PRDM15: variants seen among roughly 807,000 people sequenced by gnomAD.
PRDM15 encodes PR/SET domain 15.
A neutral mutation model predicts 128.6 loss-of-function variants in PRDM15; 64 were observed. The ratio of observed to expected loss-of-function variants is 0.50; its 90% CI spans 0.41 to 0.61. The LOEUF (loss-of-function observed/expected upper bound fraction) is 0.61. PRDM15 is among the 20% of genes least tolerant of loss of function. The probability of loss-of-function intolerance (pLI) is 0.00; values close to 1 mark genes in which losing one functional copy is unlikely to be tolerated. For synonymous variants in PRDM15, 615 were observed against 621.8 expected (o/e 0.99, Z 0.16); for missense variants, 1,242 against 1,569.1 (o/e 0.79, Z 3.52).
chr21:41,824,346 C>T (rs547002283), intron 13 of PRDM15, among the ~76,000 whole-genome samples: 26 of 152,154 alleles, frequency 1.7e-4, no homozygotes, highest in Non-Finnish European at 3.1e-4. Flanking sequence ...GAAAGGTGAG[C>T]AGGAGAGGAC....
At chr21:41,877,855 T>C (rs1327513666) in intron 1 of PRDM15, among the ~76,000 whole-genome samples, 4 of 150,354 alleles carry the variant, frequency 2.7e-5, no homozygotes, top group Non-Finnish European at 5.9e-5. Context: ...GAATCACAGA[T>C]AGAAGAAAAA....
At position 41,804,625 on chromosome 21, in the gene PRDM15, C is replaced by A; in HGVS notation, c.2653-11G>T. 2 of 1,547,324 alleles carry A rather than the reference C, an allele frequency of 1.3e-6. No individual in the cohort carries two copies. The highest frequency in any genetic ancestry group is 1.9e-4 in the Middle Eastern group (1 of 5,204). On this transcript the variant is annotated splice_polypyrimidine_tract_variant and intron_variant, in intron 21 of 23. Coordinates refer to ENST00000398548, the MANE Select transcript of PRDM15 (RefSeq NM_001040424.3). ...CCTCACCGCGAGCACCTATGAGGAG[C>A]ACAGGGCATGAGCTGGGGGTCAGGG...
intron 6 of PRDM15, among the ~76,000 whole-genome samples, chr21:41,843,111 T>TTTG (rs2063125025): frequency 2.0e-5 from 3 of 151,856 alleles, no homozygotes; most frequent in South Asian, 2.1e-4. Flanking sequence ...TTGTTTGTTT[T>TTTG]TTTGTTTGTT....
At position 41,821,880 on chromosome 21, in the gene PRDM15, ACCGCGG is replaced by A; in HGVS notation, c.1896+17_1896+22del. 6.2e-7 allele frequency: 1 copy of A among 1,612,282 alleles called. No individual in the cohort carries two copies. The highest frequency in any genetic ancestry group is 1.1e-5 in the South Asian group (1 of 91,054). On this transcript the variant is annotated intron_variant, in intron 15 of 23. Transcript: ENST00000398548. This position sits in a 1 kb window ranked among gnomAD's most constrained non-coding sequence, Gnocchi z 5.4. Reference sequence around the variant, plus strand: ...ACCTTCCTCTCCAGACCACCCAGGCACCGCGGGGCAAACCCGCCATACCTGGCACCG... The same window carrying A: ...ACCTTCCTCTCCAGACCACCCAGGCAGGCAAACCCGCCATACCTGGCACCG...
At chr21:41,848,014 G>A (rs1272070500) in intron 5 of PRDM15, among the ~76,000 whole-genome samples, 2 of 152,222 alleles carry the variant, frequency 1.3e-5, no homozygotes, top group African/African-American at 2.4e-5. Flanking sequence ...ATCTGGCCCA[G>A]GCCAGTTTCT....
At chr21:41,865,109 C>A (rs532873246) in intron 1 of PRDM15, among the ~76,000 whole-genome samples, 1 of 141,286 alleles carries the variant, frequency 7.1e-6, no homozygotes, top group Non-Finnish European at 1.6e-5. Flanking sequence ...CCAGCCCTCT[C>A]TGCCATGCCT....
chr21:41,801,403 A>T lies in PRDM15; in HGVS notation c.3263T>A (p.Ile1088Asn). The T allele has an allele frequency of 6.2e-7, 1 of 1,613,706 alleles. No individual in the cohort carries two copies. Among genetic ancestry groups the T allele is most frequent in the South Asian group, 1.1e-5 (1 of 91,062 alleles). ...FINLTTLVNS[I>N]TPLGSQLSDQ... ...ACTAAGCTGGCTCCCCAGGGGCGTG[A>T]TGGAGTTGACCAGGGTCGTCAGGTT... The change falls in exon 24 of 24, where the codon ATC becomes AAC. Residue 1088 changes from isoleucine (I) to asparagine (N), a missense_variant. Ile to Asn is a moderately radical substitution (Grantham distance 149, BLOSUM62 -3). This residue lies in a region of PRDM15 where 602 missense variants were observed against 788.3 expected (regional missense o/e 0.76). Transcript: ENST00000398548.
chr21:41,836,808 G>T, intron 8 of PRDM15, 159 bp from the exon 9 acceptor site: 1 of 578,756 alleles, frequency 1.7e-6, no homozygotes, highest in South Asian at 2.3e-5. Flanking sequence ...CCAGCTTCCA[G>T]GGCATCTGAA....
At chr21:41,801,750 C>G in intron 23 of PRDM15, 28 bp from the exon 24 acceptor site, 2 of 1,591,956 alleles carry the variant, frequency 1.3e-6, no homozygotes, top group East Asian at 4.5e-5. Flanking sequence ...AACAAAAATC[C>G]GTTCATTTTT....
rs985576584 is a variant in PRDM15 at position 41,862,175 on chromosome 21, G to A, written c.-9-1803C>T. On this transcript the variant is annotated intron_variant, in intron 1 of 23. Coordinates refer to ENST00000398548, the MANE Select transcript of PRDM15 (RefSeq NM_001040424.3). The surrounding 1 kb of genome is among the most constrained non-coding windows in gnomAD (Gnocchi z 4.1). ...GTGCTACTGGAGGTGTAGGACCTGC[G>A]TGCCCCCTGCAGGAACCCACGTGAC... 3.9e-5 allele frequency among the ~76,000 whole-genome samples: 6 copies of A among 152,184 alleles called. No homozygotes were observed. The highest frequency in any genetic ancestry group is 7.3e-5 in the Non-Finnish European group (5 of 68,038).
At chr21:41,833,508 TTTAA>T (rs1453337092) in intron 11 of PRDM15, among the ~76,000 whole-genome samples, 4 of 152,232 alleles carry the variant, frequency 2.6e-5, no homozygotes, top group Admixed American at 2.6e-4. Context: ...AAATTCTTGG[TTTAA>T]TTGTCTAAGG....
rs766013766 is a variant in PRDM15, at chr21:41,859,546, C to G, written c.131+46G>C. 5 of 1,507,400 alleles carry G rather than the reference C, an allele frequency of 3.3e-6. No homozygotes were observed. Among genetic ancestry groups the G allele is most frequent in the Non-Finnish European group, 4.6e-6 (5 of 1,088,380 alleles). The allele number at this position is 1,507,400 out of a possible 1,614,324, so 93.4% of individuals were successfully genotyped here. ...GACCCAAAGGCCACTAGGCTCCTGC[C>G]GCAGCTGGCATATGGAAGGCCCGGG... On this transcript the variant is annotated intron_variant, in intron 3 of 23. Coordinates refer to ENST00000398548, the MANE Select transcript of PRDM15 (RefSeq NM_001040424.3). The surrounding 1 kb of genome is among the most constrained non-coding windows in gnomAD (Gnocchi z 5.3).
intron 6 of PRDM15, among the ~76,000 whole-genome samples, chr21:41,845,654 T>C (rs1376233944): frequency 6.6e-6 from 1 of 151,960 alleles, no homozygotes; most frequent in Admixed American, 6.5e-5. Context: ...CTCAAGGAAG[T>C]TTCTGGAGGA....
At position 41,801,195 on chromosome 21, in the gene PRDM15, A is replaced by G. The variant is rs146149904; in HGVS notation, c.*45T>C. Reference sequence around the variant, plus strand: ...CAGCAAACACATCTAAACAAATCCCAAACATCCCTCTGCAGTTCTTGCCCC... The same window carrying G: ...CAGCAAACACATCTAAACAAATCCCGAACATCCCTCTGCAGTTCTTGCCCC... On this transcript the variant is annotated 3_prime_UTR_variant, in exon 24 of 24. Transcript: ENST00000398548. The G allele has an allele frequency of 1.3e-6, 2 of 1,500,442 alleles. No homozygotes were observed. Among genetic ancestry groups the G allele is most frequent in the African/African-American group, 2.8e-5 (2 of 71,658 alleles). The allele number at this position is 1,500,442 out of a possible 1,614,324, so 92.9% of individuals were successfully genotyped here. A position where few individuals can be genotyped will look rare whatever the true frequency, so the allele number is the denominator to read the frequency against.
chr21:41,834,851 G>T (rs900087438), intron 11 of PRDM15, among the ~76,000 whole-genome samples: 2 of 152,258 alleles, frequency 1.3e-5, no homozygotes, highest in Non-Finnish European at 2.9e-5. Flanking sequence ...GCCCGAAGAG[G>T]CCACCTCTCC....
chr21:41,829,367 ACAC>A (rs1182720388), intron 11 of PRDM15, among the ~76,000 whole-genome samples: 3 of 152,002 alleles, frequency 2.0e-5, no homozygotes, highest in Non-Finnish European at 4.4e-5. Flanking sequence ...ACAATCACAC[ACAC>A]CACAAATACA....
intron 1 of PRDM15, among the ~76,000 whole-genome samples, chr21:41,865,653 T>C (rs982552244): frequency 6.6e-6 from 1 of 152,174 alleles, no homozygotes; most frequent in Non-Finnish European, 1.5e-5. Context: ...TCTCACATCC[T>C]CTGTGATCCC....
At chr21:41,837,177 C>T (rs750373963) in intron 8 of PRDM15, among the ~76,000 whole-genome samples, 2 of 152,156 alleles carry the variant, frequency 1.3e-5, no homozygotes, top group Non-Finnish European at 2.9e-5. Flanking sequence ...AAGTGACCAC[C>T]AACTTACTCA....
At chr21:41,815,669 G>C (rs1319378679) in intron 19 of PRDM15, 36 bp downstream of exon 19, 1 of 1,608,320 alleles carries the variant, frequency 6.2e-7, no homozygotes, top group East Asian at 2.2e-5. Context: ...TACACAGTGA[G>C]CGCCGTGGCT....
Sources: allele counts gnomAD v4.1 joint callset (sites outside exome capture counted in the v4.1 genomes callset), GRCh38; gene constraint gnomAD v4.1.1; regional missense constraint gnomAD v4.1.1; non-coding constraint Gnocchi (gnomAD v3.1); transcripts MANE v1.5; gene names NCBI Gene and HGNC (gene_info 2026-07-23, HGNC 2026-07-21).